FGF12: variants seen among roughly 807,000 people sequenced by gnomAD.
FGF12 encodes fibroblast growth factor 12B.
A neutral mutation model predicts 23.6 loss-of-function variants in FGF12; 14 were observed. The observed-to-expected ratio is 0.59, with a 90% CI of 0.39 to 0.93. The LOEUF (loss-of-function observed/expected upper bound fraction) is 0.93, where lower values mean the gene tolerates loss of function less well. FGF12 is among the 40% of genes least tolerant of loss of function. FGF12 has a pLI of 0.00. For missense variants in FGF12, 175 were observed against 217.8 expected, an observed-to-expected ratio of 0.80 and a Z score of 1.24; for synonymous variants, 62 against 77.3, an observed-to-expected ratio of 0.80 and a Z score of 1.04.
At chr3:192,178,665 T>A (rs1016291451) in intron 4 of FGF12, among the ~76,000 whole-genome samples, 83 of 152,256 alleles carry the variant, frequency 5.5e-4, no homozygotes, top group African/African-American at 1.9e-3. Flanking sequence ...TGCCTTAATT[T>A]TTTTGTATTT....
intron 2 of FGF12, among the ~76,000 whole-genome samples, chr3:192,614,746 C>G (rs1714684791): frequency 6.6e-6 from 1 of 151,864 alleles, no homozygotes; most frequent in Non-Finnish European, 1.5e-5. Context: ...GACAGAGTTT[C>G]AGGTAACTGG....
In FGF12 at chr3:192,713,731, A is replaced by C. The variant is rs78009430; in HGVS notation, c.13+13450T>G. Among the ~76,000 whole-genome samples the C allele has an allele frequency of 7.8e-3, 1,182 of 152,256 alleles. 57 individuals carry two copies. In the East Asian group the frequency reaches 0.12, roughly 16 times the overall value. On this transcript the variant is annotated intron_variant, in intron 2 of 5. Transcript: ENST00000445105. ...TCATCTGCTGACCTTCATCTTCAAAATCTTGTTCATAAATCTTTTACCAAT... is the reference window on the plus strand; with the variant it reads ...TCATCTGCTGACCTTCATCTTCAAACTCTTGTTCATAAATCTTTTACCAAT...
At chr3:192,312,497 T>G (rs1716004127) in intron 4 of FGF12, among the ~76,000 whole-genome samples, 1 of 151,940 alleles carries the variant, frequency 6.6e-6, no homozygotes, top group Non-Finnish European at 1.5e-5. Flanking sequence ...TAAGAAAGTT[T>G]GTGGAAAACC....
intron 2 of FGF12, chr3:192,515,066 C>T (rs1724621979): frequency 6.4e-6 from 1 of 156,316 alleles, no homozygotes; most frequent in African/African-American, 2.4e-5. Context: ...GAGGACGTCA[C>T]TGCGGGTCGG....
At chr3:192,695,527 A>G (rs545017774) in intron 2 of FGF12, among the ~76,000 whole-genome samples, 43 of 152,336 alleles carry the variant, frequency 2.8e-4, no homozygotes, top group South Asian at 1.7e-3. Context: ...ACCTTCATGT[A>G]TGTAGTAGGT....
intron 4 of FGF12, among the ~76,000 whole-genome samples, chr3:192,224,623 T>C (rs537495814): frequency 3.5e-4 from 53 of 152,222 alleles, no homozygotes; most frequent in Non-Finnish European, 6.5e-4. Context: ...AGGTCTGCCA[T>C]TGAGTCACTC....
chr3:192,696,065 C>G (rs1718111928), intron 2 of FGF12, among the ~76,000 whole-genome samples: 1 of 152,132 alleles, frequency 6.6e-6, no homozygotes. Context: ...CACTACTGCA[C>G]TCCAACCTGG....
At chr3:192,278,975 C>T (rs1251636672) in intron 4 of FGF12, among the ~76,000 whole-genome samples, 2 of 150,886 alleles carry the variant, frequency 1.3e-5, no homozygotes, top group Non-Finnish European at 2.9e-5. Flanking sequence ...AAGAATGTCA[C>T]AGTTAGGGCC....
At chr3:192,660,091 C>G (rs1044672861) in intron 2 of FGF12, among the ~76,000 whole-genome samples, 1 of 151,668 alleles carries the variant, frequency 6.6e-6, no homozygotes, top group Non-Finnish European at 1.5e-5. Context: ...TTCACAATAG[C>G]AAAGACTTGG....
chr3:192,400,290 T>C (rs1262798657), intron 2 of FGF12, among the ~76,000 whole-genome samples: 1 of 151,870 alleles, frequency 6.6e-6, no homozygotes, highest in Non-Finnish European at 1.5e-5. Context: ...AAGAATAAAG[T>C]AAACAGCCTT....
chr3:192,258,509 T>C (rs1405696363), intron 4 of FGF12, among the ~76,000 whole-genome samples: 1 of 152,140 alleles, frequency 6.6e-6, no homozygotes, highest in Non-Finnish European at 1.5e-5. Flanking sequence ...AAAAACAGTA[T>C]AGTTTGTTTA....
At chr3:192,201,656 T>A (rs1354923748) in intron 4 of FGF12, among the ~76,000 whole-genome samples, 2 of 146,094 alleles carry the variant, frequency 1.4e-5, no homozygotes, top group African/African-American at 2.8e-5. Flanking sequence ...CTGTGGAAAC[T>A]CTATTAGCCT....
At chr3:192,402,069 C>T (rs1348929541) in intron 2 of FGF12, among the ~76,000 whole-genome samples, 1 of 152,196 alleles carries the variant, frequency 6.6e-6, no homozygotes, top group African/African-American at 2.4e-5. Flanking sequence ...ATTCACATCC[C>T]ACTCCGAAGT....
intron 2 of FGF12, among the ~76,000 whole-genome samples, chr3:192,696,349 C>T (rs1162434460): frequency 6.6e-6 from 1 of 152,072 alleles, no homozygotes; most frequent in Admixed American, 6.6e-5. Context: ...ATCAGATTCA[C>T]TCATTGAGGG....
intron 2 of FGF12, among the ~76,000 whole-genome samples, chr3:192,562,575 G>T (rs1056632249): frequency 2.0e-5 from 3 of 151,952 alleles, no homozygotes; most frequent in African/African-American, 7.3e-5. Context: ...AATTATATAG[G>T]CCATCTTGTC....
chr3:192,290,773 C>T (rs774321242), intron 4 of FGF12, among the ~76,000 whole-genome samples: 2 of 152,066 alleles, frequency 1.3e-5, no homozygotes, highest in Non-Finnish European at 2.9e-5. Flanking sequence ...TAAAGTGACT[C>T]TTTGTTAAAA....
At chr3:192,519,127 C>T (rs924931956) in intron 2 of FGF12, among the ~76,000 whole-genome samples, 4 of 152,142 alleles carry the variant, frequency 2.6e-5, no homozygotes, top group Admixed American at 2.6e-4. Flanking sequence ...AACTAAACTA[C>T]AAACTTTATT....
At chr3:192,182,267 G>A (rs896793948) in intron 4 of FGF12, among the ~76,000 whole-genome samples, 2 of 151,362 alleles carry the variant, frequency 1.3e-5, no homozygotes, top group Admixed American at 6.6e-5. Flanking sequence ...TTTTCTACAT[G>A]TATTATTACT....
intron 3 of FGF12, among the ~76,000 whole-genome samples, chr3:192,351,577 G>C (rs35720907): frequency 0.47 from 71,596 of 152,002 alleles, 18,625 homozygotes; most frequent in East Asian, 0.84. Flanking sequence ...AGATGCATCT[G>C]TTGCTTACAT....
Sources: allele counts gnomAD v4.1 joint callset (sites outside exome capture counted in the v4.1 genomes callset), GRCh38; gene constraint gnomAD v4.1.1; transcripts MANE v1.5; gene names NCBI Gene and HGNC (gene_info 2026-07-23, HGNC 2026-07-21).